The following RHBDL2 variants were observed in gnomAD, a reference collection of about 807,000 sequenced individuals.
The protein encoded by RHBDL2 is rhomboid-related protein 2.
Under a neutral mutation model 31.7 loss-of-function variants are expected in RHBDL2, and 26 were observed. The observed-to-expected ratio is 0.82, with a 90% CI of 0.60 to 1.14. RHBDL2 has a LOEUF of 1.14. Ranked by LOEUF, RHBDL2 falls within the 50% of genes most tolerant of loss-of-function variation. The probability of loss-of-function intolerance (pLI) is 0.00; values close to 1 mark genes in which losing one functional copy is unlikely to be tolerated. For synonymous variants in RHBDL2, 123 were observed against 127.2 expected, an observed-to-expected ratio of 0.97 and a Z score of 0.22; for missense variants, 336 against 364.4, an observed-to-expected ratio of 0.92 and a Z score of 0.63.
At chr1:38,890,213 T>C (rs1175077620) in intron 6 of RHBDL2, among the ~76,000 whole-genome samples, 1 of 151,978 alleles carries the variant, frequency 6.6e-6, no homozygotes, top group Non-Finnish European at 1.5e-5. Flanking sequence ...AATTTTTGTA[T>C]TTTTAGTAGA....
At chr1:38,940,058 A>T (rs1643546584) in intron 1 of RHBDL2, among the ~76,000 whole-genome samples, 1 of 152,282 alleles carries the variant, frequency 6.6e-6, no homozygotes, top group East Asian at 1.9e-4. Context: ...CCTAGACTTG[A>T]ATTCTGGATC....
At chr1:38,917,262 C>G (rs1643251359) in intron 2 of RHBDL2, among the ~76,000 whole-genome samples, 1 of 152,088 alleles carries the variant, frequency 6.6e-6, no homozygotes, top group South Asian at 2.1e-4. Context: ...TGTGATCCGC[C>G]CACCTCAGCC....
chr1:38,923,647 C>T (rs545389008), intron 1 of RHBDL2, among the ~76,000 whole-genome samples: 1 of 152,270 alleles, frequency 6.6e-6, no homozygotes, highest in African/African-American at 2.4e-5. Context: ...GCAGGAGTCT[C>T]AAAACAAAAT....
chr1:38,913,887 G>A (rs1643192176), intron 3 of RHBDL2, among the ~76,000 whole-genome samples: 3 of 152,154 alleles, frequency 2.0e-5, no homozygotes, highest in Non-Finnish European at 2.9e-5. Context: ...GGGAGGCCAA[G>A]GCAGGCGGAT....
At chr1:38,897,922 G>T (rs1642941119) in intron 4 of RHBDL2, among the ~76,000 whole-genome samples, 1 of 152,172 alleles carries the variant, frequency 6.6e-6, no homozygotes, top group Non-Finnish European at 1.5e-5. Context: ...GCTGAGCTCA[G>T]GAGTTCGAGA....
chr1:38,938,868 G>T (rs1434935017), intron 1 of RHBDL2, among the ~76,000 whole-genome samples: 1 of 152,172 alleles, frequency 6.6e-6, no homozygotes. Context: ...GCATTCTGAG[G>T]ACAGGGCTTC....
intron 1 of RHBDL2, among the ~76,000 whole-genome samples, chr1:38,940,502 C>T (rs1315149231): frequency 6.6e-6 from 1 of 152,168 alleles, no homozygotes; most frequent in African/African-American, 2.4e-5. Flanking sequence ...CCCAACCTTC[C>T]CTCTCCCTTC....
chr1:38,894,855 C>T (rs552085807), intron 5 of RHBDL2, among the ~76,000 whole-genome samples: 8 of 148,432 alleles, frequency 5.4e-5, no homozygotes, highest in African/African-American at 2.0e-4. Context: ...TACAGGCACA[C>T]ACCACCACAC....
intron 2 of RHBDL2, among the ~76,000 whole-genome samples, chr1:38,917,017 CTTTTT>C (rs547654933): frequency 1.7e-5 from 2 of 119,898 alleles, no homozygotes; most frequent in Non-Finnish European, 3.5e-5. Flanking sequence ...CAGGAACTTT[CTTTTT>C]TTTTTTTTTT....
chr1:38,896,332 T>A (rs1329981385), intron 4 of RHBDL2, among the ~76,000 whole-genome samples: 1 of 152,216 alleles, frequency 6.6e-6, no homozygotes, highest in African/African-American at 2.4e-5. Flanking sequence ...ACCAGCAGTG[T>A]GACTTGAGGA....
At chr1:38,915,498 A>C in intron 3 of RHBDL2, 64 bp downstream of exon 3, 2 of 1,541,794 alleles carry the variant, frequency 1.3e-6, no homozygotes, top group Non-Finnish European at 1.8e-6. Context: ...AGCACTCAAC[A>C]AATGTTAGAG....
At position 38,918,590 on chromosome 1, in the gene RHBDL2, C is replaced by G. The variant is rs74488711; in HGVS notation, c.246+377G>C. The stretch of plus-strand genomic sequence containing the variant: ...GAAGAATTCTATAACACTTCTAAAC[C>G]TGGGGTCCCAGAAATGCCTTACCAA... On this transcript the variant is annotated intron_variant, in intron 2 of 7. Coordinates refer to ENST00000372990, the MANE Select transcript of RHBDL2 (RefSeq NM_017821.5). Among the ~76,000 whole-genome samples, 1,413 of 152,292 alleles carry G rather than the reference C, an allele frequency of 9.3e-3. 24 individuals carry two copies. Among genetic ancestry groups the G allele is most frequent in the African/African-American group, 0.03 (1,241 of 41,554 alleles).
At chr1:38,904,404 G>A (rs562653653) in intron 4 of RHBDL2, among the ~76,000 whole-genome samples, 3 of 151,922 alleles carry the variant, frequency 2.0e-5, no homozygotes, top group South Asian at 4.1e-4. Context: ...ACCCGGAGGC[G>A]GAATTTGCAG....
intron 4 of RHBDL2, among the ~76,000 whole-genome samples, chr1:38,900,551 G>C (rs889457876): frequency 6.6e-6 from 1 of 152,048 alleles, no homozygotes; most frequent in African/African-American, 2.4e-5. Flanking sequence ...AGCCTGAGAG[G>C]CAGAGGTTGC....
chr1:38,932,697 C>A (rs766811596), intron 1 of RHBDL2, among the ~76,000 whole-genome samples: 1 of 152,150 alleles, frequency 6.6e-6, no homozygotes, highest in African/African-American at 2.4e-5. Flanking sequence ...TGAGCTCACG[C>A]GATCCACCCA....
rs976245949 is a variant in RHBDL2 at position 38,938,409 on chromosome 1, T to A, written c.-126+3273A>T. ...CCTCATGACCTGAACCCTGCCTATTTATCCACCTTCATTTCTTTCCATTTC... is the reference window on the plus strand; with the variant it reads ...CCTCATGACCTGAACCCTGCCTATTAATCCACCTTCATTTCTTTCCATTTC... On this transcript the variant is annotated intron_variant, in intron 1 of 7. Coordinates refer to ENST00000372990, the MANE Select transcript of RHBDL2 (RefSeq NM_017821.5). Among the ~76,000 whole-genome samples the A allele has an allele frequency of 7.5e-4, 114 of 152,186 alleles. 1 individual carries two copies. The East Asian group carries it at 0.019, about 26-fold the overall frequency.
At chr1:38,890,703 T>C (rs1642843080) in intron 6 of RHBDL2, among the ~76,000 whole-genome samples, 1 of 150,318 alleles carries the variant, frequency 6.7e-6, no homozygotes, top group African/African-American at 2.5e-5. Flanking sequence ...TGCCTTCATA[T>C]GGATTTTTTT....
At chr1:38,936,308 G>T (rs2124357066) in intron 1 of RHBDL2, among the ~76,000 whole-genome samples, 1 of 151,618 alleles carries the variant, frequency 6.6e-6, no homozygotes, top group Admixed American at 6.6e-5. Context: ...TTTGTTTGTT[G>T]GTTTTTGGGG....
At chr1:38,925,962 C>T in intron 1 of RHBDL2, 1 of 1,269,956 alleles carries the variant, frequency 7.9e-7, no homozygotes, top group Non-Finnish European at 1.0e-6. Flanking sequence ...ACCAAAATTG[C>T]AAGTGTTGAA....
Sources: gnomAD v4.1 joint callset for allele counts (sites outside exome capture counted in the v4.1 genomes callset) on GRCh38, gnomAD v4.1.1 for gene constraint, MANE v1.5 for transcripts, NCBI Gene and HGNC (gene_info 2026-07-23, HGNC 2026-07-21) for gene names.